Variants in FREM2 observed in about 807,000 individuals in gnomAD.
FREM2 encodes FRAS1-related extracellular matrix protein 2.
A neutral mutation model predicts 219.9 loss-of-function variants in FREM2; 119 were observed. The ratio of observed to expected loss-of-function variants is 0.54; its 90% CI spans 0.47 to 0.63. The LOEUF (loss-of-function observed/expected upper bound fraction) is 0.63. Ranked by LOEUF, FREM2 falls within the 30% of genes least tolerant of loss-of-function variation. FREM2 has a pLI of 0.00. For synonymous variants in FREM2, 1,562 were observed against 1,522.8 expected (o/e 1.03, Z -0.60); for missense variants, 4,030 against 3,993.6 (o/e 1.01, Z -0.25).
chr13:38,694,394 A>G (rs191116863), intron 1 of FREM2, among the ~76,000 whole-genome samples: 1 of 152,348 alleles, frequency 6.6e-6, no homozygotes, highest in Non-Finnish European at 1.5e-5. Flanking sequence ...CATTCAAACA[A>G]GTCAAGGCTA....
intron 7 of FREM2, 35 bp downstream of exon 7, chr13:38,846,757 C>T: frequency 1.2e-6 from 2 of 1,611,442 alleles, no homozygotes; most frequent in Non-Finnish European, 1.7e-6. Context: ...TTTGATTGTT[C>T]TGCAATTTTC....
intron 6 of FREM2, among the ~76,000 whole-genome samples, chr13:38,807,188 G>GAGA (rs59898069): frequency 2.0e-4 from 13 of 66,410 alleles, no homozygotes; most frequent in Middle Eastern, 8.9e-3. Context: ...TCTTGTCTCT[G>GAGA]TTATATATAT....
intron 8 of FREM2, 70 bp from the exon 9 acceptor site, chr13:38,849,968 A>G: frequency 8.0e-7 from 1 of 1,245,526 alleles, no homozygotes; most frequent in East Asian, 2.3e-5. Flanking sequence ...TCTTTCCACT[A>G]AATCACATCT....
At chr13:38,803,626 A>G (rs1875106373) in intron 6 of FREM2, among the ~76,000 whole-genome samples, 1 of 151,656 alleles carries the variant, frequency 6.6e-6, no homozygotes, top group Admixed American at 6.6e-5. Flanking sequence ...CTTTACTGTC[A>G]GTCTTAGGAA....
chr13:38,715,893 A>C (rs1347828838), intron 2 of FREM2, among the ~76,000 whole-genome samples: 5 of 152,136 alleles, frequency 3.3e-5, no homozygotes, highest in African/African-American at 1.2e-4. Flanking sequence ...GCTTAAATTA[A>C]ATAATATAAA....
Position 38,690,373 on chromosome 13 carries a change from T to C in FREM2, c.3029T>C (p.Leu1010Ser), listed in dbSNP as rs1329958382. The change falls in exon 1 of 24, where the codon TTG becomes TCG. Residue 1010 changes from leucine to serine, a missense_variant. Leu to Ser is a moderately radical substitution (Grantham distance 145, BLOSUM62 -2). Coordinates refer to ENST00000280481, the MANE Select transcript of FREM2 (RefSeq NM_207361.6). The stretch of plus-strand genomic sequence containing the variant: ...GAGCAGTTTACTCAAAGGGACATCT[T>C]GGAGGGCTCTGTTGTATATACCCAC... ...PAEQFTQRDI[L>S]EGSVVYTHTS... 1.9e-6 allele frequency: 3 copies of C among 1,614,146 alleles called. No individual in the cohort carries two copies. Among genetic ancestry groups the C allele is most frequent in the Non-Finnish European group, 2.5e-6 (3 of 1,180,040 alleles).
At chr13:38,721,496 T>A (rs1046320338) in intron 2 of FREM2, among the ~76,000 whole-genome samples, 2 of 152,074 alleles carry the variant, frequency 1.3e-5, no homozygotes, top group Non-Finnish European at 2.9e-5. Flanking sequence ...AGTGCATTTG[T>A]TTTACAACAG....
At chr13:38,755,327 G>A (rs1872953915) in intron 2 of FREM2, among the ~76,000 whole-genome samples, 1 of 152,084 alleles carries the variant, frequency 6.6e-6, no homozygotes, top group Admixed American at 6.6e-5. Flanking sequence ...TCCCCCATAG[G>A]AGGAACCCTC....
At chr13:38,830,377 A>G (rs1459045278) in intron 6 of FREM2, among the ~76,000 whole-genome samples, 1 of 152,196 alleles carries the variant, frequency 6.6e-6, no homozygotes, top group African/African-American at 2.4e-5. Context: ...CTCTTCTAGA[A>G]TCTGACTTCT....
rs1314692585 is a variant in FREM2 at position 38,878,169 on chromosome 13, G to T, written c.8707G>T (p.Val2903Phe). ...IIYGRVMVDP[V>F]QNLGDSFYCS... The stretch of plus-strand genomic sequence containing the variant: ...TTATGGTCGTGTCATGGTGGATCCT[G>T]TCCAGAATCTGGGTGACTCCTTTTA... The change falls in exon 22 of 24, where the codon GTC becomes TTC. Residue 2903 changes from valine (V) to phenylalanine (F), a missense_variant. This residue lies in a region of FREM2 where 928 missense variants were observed against 1,042.9 expected (regional missense o/e 0.89). Coordinates refer to ENST00000280481, the MANE Select transcript of FREM2 (RefSeq NM_207361.6). The T allele has an allele frequency of 8.1e-6, 13 of 1,613,846 alleles. No homozygotes were observed. Among genetic ancestry groups the T allele is most frequent in the Non-Finnish European group, 1.1e-5 (13 of 1,179,864 alleles).
At chr13:38,826,263 C>T (rs1374115157) in intron 6 of FREM2, among the ~76,000 whole-genome samples, 7 of 152,036 alleles carry the variant, frequency 4.6e-5, no homozygotes, top group Admixed American at 2.6e-4. Flanking sequence ...TCTGACTTCA[C>T]GTAGATCAAA....
In FREM2 at chr13:38,690,208, A is replaced by T. The variant is rs749582044; in HGVS notation, c.2864A>T (p.Asp955Val). 5 of 1,614,116 alleles carry T rather than the reference A, an allele frequency of 3.1e-6. No homozygotes were observed. In the South Asian group the frequency reaches 5.5e-5, roughly 18 times the overall value. The stretch of plus-strand genomic sequence containing the variant: ...ACTGGCACTCTGGAGTCCTATCTAG[A>T]TGTCTTAGAAAATGGGGCTACTGAA... ...HPTGTLESYL[D>V]VLENGATEIT... The change falls in exon 1 of 24, where the codon GAT becomes GTT. Residue 955 changes from aspartate to valine, a missense_variant. Asp to Val is a radical substitution (Grantham distance 152). Around this residue, in one of 2 missense-constraint regions of FREM2, gnomAD observed 3,102 missense variants for 2,950.7 expected, o/e 1.05. Coordinates refer to ENST00000280481, the MANE Select transcript of FREM2 (RefSeq NM_207361.6).
intron 16 of FREM2, among the ~76,000 whole-genome samples, chr13:38,865,046 T>C (rs1328140774): frequency 6.6e-6 from 1 of 152,186 alleles, no homozygotes; most frequent in African/African-American, 2.4e-5. Context: ...TTTCTGACTT[T>C]CTTCTTCCCC....
chr13:38,863,536 T>G (rs143883412), intron 15 of FREM2, among the ~76,000 whole-genome samples: 1,939 of 103,212 alleles, frequency 0.019, 51 homozygotes, highest in African/African-American at 0.068. Context: ...AATACATCCT[T>G]TAAAAAACTA....
intron 1 of FREM2, 144 bp downstream of exon 1, chr13:38,692,661 C>T: frequency 4.3e-6 from 4 of 931,128 alleles, no homozygotes; most frequent in South Asian, 2.8e-5. Context: ...GACTCACTTT[C>T]CTAGGAGGAC....
At chr13:38,852,883 T>G (rs552786811) in intron 11 of FREM2, among the ~76,000 whole-genome samples, 1 of 151,956 alleles carries the variant, frequency 6.6e-6, no homozygotes, top group South Asian at 2.1e-4. Context: ...TTTTTGTATT[T>G]TTGGTAGAGA....
rs1435647146 is a variant in FREM2 at position 38,691,050 on chromosome 13, G to A, written c.3706G>A (p.Gly1236Ser). 6.2e-7 allele frequency: 1 copy of A among 1,614,108 alleles called. No individual in the cohort carries two copies. The highest frequency in any genetic ancestry group is 8.5e-7 in the Non-Finnish European group (1 of 1,180,020). Residue 1236 changes from glycine to serine, a missense_variant, in exon 1 of 24, where the codon GGT becomes AGT. Gly to Ser is a moderately conservative substitution (Grantham distance 56). This residue lies in a region of FREM2 where 3,102 missense variants were observed against 2,950.7 expected (regional missense o/e 1.05). Coordinates refer to ENST00000280481, the MANE Select transcript of FREM2 (RefSeq NM_207361.6). ...TFTITQFPTH[G>S]HIMNQLINGT... ...CACTATTACCCAATTCCCCACTCAT[G>A]GTCACATCATGAATCAGCTGATAAA... is the stretch of plus-strand genomic sequence containing the variant.
chr13:38,778,583 A>G (rs1472816319), intron 4 of FREM2, among the ~76,000 whole-genome samples: 1 of 151,940 alleles, frequency 6.6e-6, no homozygotes, highest in East Asian at 1.9e-4. Context: ...CCCATAACAA[A>G]CCCTAAAGGA....
rs1184958401 is a variant in FREM2 at position 38,840,644 on chromosome 13, A to ATATATATATATGTG, written c.6020-5928_6020-5927insATATATATATGTGT. 4.3e-3 allele frequency among the ~76,000 whole-genome samples: 577 copies of ATATATATATATGTG among 134,294 alleles called. 2 individuals are homozygous for ATATATATATATGTG. The highest frequency in any genetic ancestry group is 0.019 in the South Asian group (80 of 4,246). The allele number at this position is 134,294 out of a possible 152,430, so 88.1% of individuals were successfully genotyped here. A position where few individuals can be genotyped will look rare whatever the true frequency, so the allele number is the denominator to read the frequency against. On this transcript the variant is annotated intron_variant, in intron 6 of 23. Transcript: ENST00000280481. Reference sequence around the variant, plus strand: ...AACTAAAATATATATATATATATATATGTGTATGTATATATATACACACAC... The same window carrying ATATATATATATGTG: ...AACTAAAATATATATATATATATATATATATATATATGTGTGTGTATGTATATATATACACACAC...
Sources: gnomAD v4.1 joint callset for allele counts (sites outside exome capture counted in the v4.1 genomes callset) on GRCh38, gnomAD v4.1.1 for gene constraint, gnomAD v4.1.1 regional missense constraint, MANE v1.5 for transcripts, NCBI Gene and HGNC (gene_info 2026-07-23, HGNC 2026-07-21) for gene names.